Variants in DENND2A observed in about 807,000 individuals in gnomAD.
DENND2A encodes the protein DENN domain-containing protein 2A.
In DENND2A, 53 loss-of-function variants were observed where a neutral mutation model predicts 105.3. The ratio of observed to expected loss-of-function variants is 0.50; its 90% CI spans 0.40 to 0.63. The LOEUF (loss-of-function observed/expected upper bound fraction) is 0.63, where lower values mean the gene tolerates loss of function less well. Ranked by LOEUF, DENND2A falls within the 30% of genes least tolerant of loss-of-function variation. The pLI is 0.00. For missense variants in DENND2A, 1,138 were observed against 1,279.6 expected (o/e 0.89, Z 1.69); for synonymous variants, 522 against 508.4 (o/e 1.03, Z -0.36).
At chr7:140,561,482 T>G (rs1797609549) in intron 9 of DENND2A, among the ~76,000 whole-genome samples, 1 of 150,862 alleles carries the variant, frequency 6.6e-6, no homozygotes, top group Non-Finnish European at 1.5e-5. Context: ...CTATATTTTT[T>G]CTTTCTTTCT....
intron 1 of DENND2A, among the ~76,000 whole-genome samples, chr7:140,612,223 A>G (rs1281282809): frequency 6.6e-6 from 1 of 151,520 alleles, no homozygotes; most frequent in Non-Finnish European, 1.5e-5. Context: ...CCTGGATGAC[A>G]GAGCGAAACT....
intron 6 of DENND2A, among the ~76,000 whole-genome samples, 153 bp downstream of exon 6, chr7:140,573,655 C>A (rs1798183945): frequency 6.6e-6 from 1 of 152,190 alleles, no homozygotes; most frequent in Non-Finnish European, 1.5e-5. Flanking sequence ...TCCGGATATT[C>A]CAGCCTGCTG....
Position 140,601,325 on chromosome 7 carries a change from G to A in DENND2A, c.995+78C>T. The stretch of plus-strand genomic sequence containing the variant: ...TTAATAAAACAAATAATTCAGCTGA[G>A]AACAGACGGTTATGATGGGACACAA... On this transcript the variant is annotated intron_variant, in intron 3 of 19. Transcript: ENST00000496613. The A allele has an allele frequency of 3.3e-6, 5 of 1,502,230 alleles. No homozygotes were observed. In the South Asian group the frequency reaches 5.4e-5, roughly 16 times the overall value. The allele number at this position is 1,502,230 out of a possible 1,614,324, so 93.1% of individuals were successfully genotyped here.
intron 1 of DENND2A, among the ~76,000 whole-genome samples, chr7:140,634,148 G>A (rs1010838597): frequency 4.6e-5 from 7 of 151,870 alleles, no homozygotes; most frequent in African/African-American, 7.3e-5. Flanking sequence ...ACAGGTGCCC[G>A]CCACCACGCC....
intron 1 of DENND2A, among the ~76,000 whole-genome samples, chr7:140,616,095 G>C (rs761235915): frequency 6.6e-6 from 1 of 152,120 alleles, no homozygotes; most frequent in East Asian, 1.9e-4. Context: ...GGCCGGGCGT[G>C]GTGGCTCATG....
intron 14 of DENND2A, among the ~76,000 whole-genome samples, chr7:140,541,108 T>G (rs1223155067): frequency 6.6e-6 from 1 of 152,168 alleles, no homozygotes; most frequent in Non-Finnish European, 1.5e-5. Context: ...CAAGGCCCCT[T>G]CCCTTTTCTG....
In DENND2A at chr7:140,518,699, G is replaced by A. The variant is rs1795746157; in HGVS notation, c.*8C>T. ...CACTAGGAGGAAGTTTTCCCTTGAGGCTGAGAGTTATTTCTTGTGGAGAAA... is the reference window on the plus strand; with the variant it reads ...CACTAGGAGGAAGTTTTCCCTTGAGACTGAGAGTTATTTCTTGTGGAGAAA... On this transcript the variant is annotated 3_prime_UTR_variant, in exon 20 of 20. Transcript: ENST00000496613. 6.2e-7 allele frequency: 1 copy of A among 1,613,200 alleles called. No homozygotes were observed. Among genetic ancestry groups the A allele is most frequent in the Non-Finnish European group, 8.5e-7 (1 of 1,179,284 alleles).
At chr7:140,518,766 C>T (rs1563112077) in intron 19 of DENND2A, 28 bp from the exon 20 acceptor site, 2 of 1,610,322 alleles carry the variant, frequency 1.2e-6, no homozygotes, top group Non-Finnish European at 1.7e-6. Flanking sequence ...GAGAACATTT[C>T]ACAAGGCAGA....
intron 1 of DENND2A, among the ~76,000 whole-genome samples, chr7:140,627,535 T>A (rs867879992): frequency 7.3e-5 from 11 of 151,334 alleles, no homozygotes; most frequent in Admixed American, 4.6e-4. Flanking sequence ...TTATTTATTT[T>A]TTTTTGAGAT....
At chr7:140,530,634 GA>G (rs534845648) in intron 14 of DENND2A, among the ~76,000 whole-genome samples, 15 of 144,246 alleles carry the variant, frequency 1.0e-4, no homozygotes, top group Non-Finnish European at 2.1e-4. Flanking sequence ...AAGATACCAA[GA>G]AAAAAAAAAG....
chr7:140,614,903 G>A (rs1358258166), intron 1 of DENND2A, among the ~76,000 whole-genome samples: 2 of 152,136 alleles, frequency 1.3e-5, no homozygotes, highest in Non-Finnish European at 2.9e-5. Context: ...TGTTGCCCAG[G>A]ATGGAGTGCA....
At chr7:140,573,091 T>C (rs778869050) in intron 6 of DENND2A, among the ~76,000 whole-genome samples, 2 of 152,216 alleles carry the variant, frequency 1.3e-5, no homozygotes, top group African/African-American at 2.4e-5. Context: ...TATAAGCACA[T>C]AGGCCCAGTC....
chr7:140,569,048 C>G (rs148725609), intron 7 of DENND2A, among the ~76,000 whole-genome samples: 5,502 of 152,136 alleles, frequency 0.036, 341 homozygotes, highest in African/African-American at 0.12. Context: ...CCTTAGCCTC[C>G]TGAGTAGCTG....
rs1415880456 is a variant in DENND2A, at chr7:140,601,863, G to C, written c.535C>G (p.Pro179Ala). Residue 179 changes from proline to alanine, a missense_variant, in exon 3 of 20, where the codon CCC becomes GCC. Pro to Ala is a conservative substitution (Grantham distance 27, BLOSUM62 -1). Coordinates refer to ENST00000496613, the MANE Select transcript of DENND2A (RefSeq NM_015689.5). ...GAGTAACAAGTCCCTGGTAACTGGG[G>C]ATCCAGCCCTGCCGACCCATCCTTC... Reference protein sequence around the residue: ...ALKDGSAGLDPQLPGTCYSPH... With the variant: ...ALKDGSAGLDAQLPGTCYSPH... The C allele has an allele frequency of 4.3e-6, 7 of 1,614,122 alleles. No individual in the cohort carries two copies. In the Admixed American group the frequency reaches 5.0e-5, roughly 12 times the overall value.
intron 3 of DENND2A, among the ~76,000 whole-genome samples, chr7:140,599,207 G>A (rs772222875): frequency 7.9e-5 from 12 of 152,108 alleles, no homozygotes; most frequent in Non-Finnish European, 1.5e-4. Flanking sequence ...GCGTGGTGGC[G>A]TGCGCCTGTA....
At chr7:140,538,407 G>A (rs10254745) in intron 14 of DENND2A, among the ~76,000 whole-genome samples, 77,665 of 152,106 alleles carry the variant, frequency 0.51, 21,439 homozygotes, top group African/African-American at 0.73. Flanking sequence ...TTTCTGCCAC[G>A]TGAGCGGAGC....
At chr7:140,538,959 G>A (rs1408314188) in intron 14 of DENND2A, among the ~76,000 whole-genome samples, 1 of 151,828 alleles carries the variant, frequency 6.6e-6, no homozygotes, top group Non-Finnish European at 1.5e-5. Context: ...GAGTAGCTGG[G>A]ATTATAGGCG....
At chr7:140,546,626 G>C (rs1262848942) in intron 13 of DENND2A, among the ~76,000 whole-genome samples, 173 bp downstream of exon 13, 5 of 152,206 alleles carry the variant, frequency 3.3e-5, no homozygotes, top group Admixed American at 6.5e-5. Context: ...AGAGTCCTAG[G>C]CTGGATGGAT....
intron 1 of DENND2A, among the ~76,000 whole-genome samples, chr7:140,624,849 GTTTTTTTTGT>G (rs760994245): frequency 3.3e-4 from 43 of 131,268 alleles, no homozygotes; most frequent in Middle Eastern, 3.8e-3. Flanking sequence ...GTTTTTCTTT[GTTTTTTTTGT>G]TTTTTTTTGT....
Sources: gnomAD v4.1 joint callset for allele counts (sites outside exome capture counted in the v4.1 genomes callset) on GRCh38, gnomAD v4.1.1 for gene constraint, MANE v1.5 for transcripts, NCBI Gene and HGNC (gene_info 2026-07-23, HGNC 2026-07-21) for gene names.